VCL: variants seen among roughly 807,000 people sequenced by gnomAD.
The protein encoded by VCL is epididymis luminal protein 114.
VCL carries 47 observed loss-of-function variants against 125.7 expected under a neutral mutation model. The observed-to-expected ratio is 0.37, with a 90% CI of 0.30 to 0.48. The LOEUF (loss-of-function observed/expected upper bound fraction) is 0.48. Ranked by LOEUF, VCL falls within the 20% of genes least tolerant of loss-of-function variation. VCL has a pLI of 0.99. For missense variants in VCL, 1,069 were observed against 1,455.5 expected (o/e 0.73, Z 4.32); for synonymous variants, 458 against 514.6 (o/e 0.89, Z 1.49).
At chr10:74,019,322 G>A (rs1840616760) in intron 1 of VCL, among the ~76,000 whole-genome samples, 1 of 152,106 alleles carries the variant, frequency 6.6e-6, no homozygotes, top group Admixed American at 6.6e-5. Context: ...GTGCCATGGT[G>A]GTTTGCTACA....
chr10:74,000,824 A>G (rs1840212541), intron 1 of VCL, among the ~76,000 whole-genome samples: 1 of 152,212 alleles, frequency 6.6e-6, no homozygotes, highest in African/African-American at 2.4e-5. Context: ...AGGTTATAAG[A>G]TGAAAACAAT....
At chr10:74,081,840 G>C (rs1839678737) in intron 6 of VCL, among the ~76,000 whole-genome samples, 1 of 152,142 alleles carries the variant, frequency 6.6e-6, no homozygotes, top group African/African-American at 2.4e-5. Context: ...AGGAATAGCA[G>C]GGAAGGTCAG....
intron 2 of VCL, among the ~76,000 whole-genome samples, chr10:74,062,367 A>ATTT (rs34306365): frequency 2.9e-4 from 33 of 113,936 alleles, no homozygotes; most frequent in Non-Finnish European, 3.8e-4. Context: ...GCCTGGCCTG[A>ATTT]TTTTTTTTTT....
intron 2 of VCL, among the ~76,000 whole-genome samples, chr10:74,043,538 G>T (rs1841137593): frequency 6.6e-6 from 1 of 151,808 alleles, no homozygotes; most frequent in South Asian, 2.1e-4. Context: ...GTAGAGATGG[G>T]GTTTCACCAT....
intron 1 of VCL, among the ~76,000 whole-genome samples, chr10:74,032,713 T>A (rs199633026): frequency 0.053 from 6,980 of 132,344 alleles, 209 homozygotes; most frequent in East Asian, 0.08. Flanking sequence ...AAAAAAAATA[T>A]ATATATATAT....
chr10:74,032,726 A>G (rs1199768724), intron 1 of VCL, among the ~76,000 whole-genome samples: 2 of 150,484 alleles, frequency 1.3e-5, no homozygotes, highest in Non-Finnish European at 3.0e-5. Flanking sequence ...ATATATATAT[A>G]TATATTGGCA....
chr10:74,051,188 C>T (rs1186147289), intron 2 of VCL, among the ~76,000 whole-genome samples: 1 of 151,820 alleles, frequency 6.6e-6, no homozygotes, highest in East Asian at 1.9e-4. Flanking sequence ...ATCCATTTGC[C>T]TCAGCCTCCC....
At chr10:74,021,971 ATCTT>A (rs1183350401) in intron 1 of VCL, among the ~76,000 whole-genome samples, 2 of 152,046 alleles carry the variant, frequency 1.3e-5, no homozygotes, top group Non-Finnish European at 2.9e-5. Context: ...TGCCAAGTAA[ATCTT>A]TCTTAAGTAT....
rs961437599 is a variant in VCL, at chr10:74,119,509, C to A, written c.*1340C>A. The A allele has an allele frequency of 1.3e-5, 2 of 152,210 alleles. No individual in the cohort carries two copies. The highest frequency in any genetic ancestry group is 2.1e-4 in the South Asian group (1 of 4,838). 9.4% of individuals were successfully genotyped at this position (152,210 alleles called of 1,614,324 possible). A position where few individuals can be genotyped will look rare whatever the true frequency, so the allele number is the denominator to read the frequency against. On this transcript the variant is annotated 3_prime_UTR_variant, in exon 22 of 22. Coordinates refer to ENST00000211998, the MANE Select transcript of VCL (RefSeq NM_014000.3). ...GTAATGGGTTTCATATTTCTTATCA[C>A]CACAGTAAGTTCCTACTAGGCAAAA... is the stretch of plus-strand genomic sequence containing the variant.
Position 74,101,031 on chromosome 10 carries a change from T to C in VCL, c.1956T>C (p.Thr652=), listed in dbSNP as rs757443298. The C allele has an allele frequency of 1.2e-6, 2 of 1,613,968 alleles. No homozygotes were observed. Among genetic ancestry groups the C allele is most frequent in the Non-Finnish European group, 1.7e-6 (2 of 1,179,908 alleles). The change falls in exon 14 of 22, where the codon ACT becomes ACC. Residue 652 remains threonine (T), a synonymous_variant. Coordinates refer to ENST00000211998, the MANE Select transcript of VCL (RefSeq NM_014000.3). ...ATAEKAAAVG[T]ANKSTVEGIQ... is the part of the protein sequence containing the mutation. ...CCGAGAAGGCGGCTGCGGTTGGTAC[T>C]GCTAATAAATCAACAGTGGAAGGCA...
At chr10:74,068,576 T>C (rs1841612271) in intron 2 of VCL, among the ~76,000 whole-genome samples, 1 of 152,182 alleles carries the variant, frequency 6.6e-6, no homozygotes, top group South Asian at 2.1e-4. Context: ...CCACCTGCCT[T>C]GGCCTCCCAA....
chr10:74,044,049 T>C (rs946688662), intron 2 of VCL, among the ~76,000 whole-genome samples: 2 of 151,850 alleles, frequency 1.3e-5, no homozygotes, highest in African/African-American at 4.8e-5. Flanking sequence ...AGGTGGAGCT[T>C]GCAGTGAGTG....
intron 4 of VCL, among the ~76,000 whole-genome samples, chr10:74,072,262 G>A (rs1841672356): frequency 6.6e-6 from 1 of 151,952 alleles, no homozygotes; most frequent in African/African-American, 2.4e-5. Flanking sequence ...TGGACAAATT[G>A]GAAAGTACAG....
intron 2 of VCL, among the ~76,000 whole-genome samples, chr10:74,048,333 T>A (rs1363138964): frequency 6.6e-6 from 1 of 151,988 alleles, no homozygotes; most frequent in Non-Finnish European, 1.5e-5. Flanking sequence ...CCGGGCGTGG[T>A]GGCACATACC....
intron 2 of VCL, among the ~76,000 whole-genome samples, chr10:74,059,492 C>T (rs1299782486): frequency 1.3e-5 from 2 of 152,104 alleles, no homozygotes; most frequent in East Asian, 3.9e-4. Flanking sequence ...GCAACCTCCA[C>T]CTCCTGGGTT....
intron 17 of VCL, 111 bp downstream of exon 17, chr10:74,107,465 T>C: frequency 6.4e-7 from 1 of 1,562,378 alleles, no homozygotes. Flanking sequence ...TCGTTTAGCT[T>C]TCATTTGAAG....
intron 19 of VCL, among the ~76,000 whole-genome samples, chr10:74,112,337 G>A (rs577451718): frequency 3.9e-5 from 6 of 152,160 alleles, no homozygotes; most frequent in Non-Finnish European, 5.9e-5. Flanking sequence ...AGAGAGATGG[G>A]GGGGGTCACT....
Position 74,022,918 on chromosome 10 carries a change from G to C in VCL, c.169-20165G>C, listed in dbSNP as rs549782325. Among the ~76,000 whole-genome samples the C allele has an allele frequency of 2.3e-3, 346 of 152,276 alleles. 1 individual carries two copies. The highest frequency in any genetic ancestry group is 0.015 in the South Asian group (72 of 4,834). ...GGCCTCCCAAAGTGCTGGGATTACAGATGTGAGCCACTGTGCCTGGCCCAC... is the reference window on the plus strand; with the variant it reads ...GGCCTCCCAAAGTGCTGGGATTACACATGTGAGCCACTGTGCCTGGCCCAC... On this transcript the variant is annotated intron_variant, in intron 1 of 21. Coordinates refer to ENST00000211998, the MANE Select transcript of VCL (RefSeq NM_014000.3).
chr10:74,093,974 G>T (rs1177939920), intron 10 of VCL, among the ~76,000 whole-genome samples: 1 of 152,220 alleles, frequency 6.6e-6, no homozygotes, highest in African/African-American at 2.4e-5. Flanking sequence ...TTTCAGAGGT[G>T]GCAGGCAGAG....
Sources: allele counts gnomAD v4.1 joint callset (sites outside exome capture counted in the v4.1 genomes callset), GRCh38; gene constraint gnomAD v4.1.1; transcripts MANE v1.5; gene names NCBI Gene and HGNC (gene_info 2026-07-23, HGNC 2026-07-21).